Variants in HS6ST3 observed in about 807,000 individuals in gnomAD.
HS6ST3 encodes the protein heparan sulfate 6-O-sulfotransferase 3, also known as heparan-sulfate 6-O-sulfotransferase 3.
In HS6ST3, 12 loss-of-function variants were observed where a neutral mutation model predicts 36.7. That is an observed-to-expected ratio of 0.33 (90% CI 0.21 to 0.53). HS6ST3 has a LOEUF of 0.53. Ranked by LOEUF, HS6ST3 falls within the 20% of genes least tolerant of loss-of-function variation. The probability of loss-of-function intolerance (pLI) is 0.95; values close to 1 mark genes in which losing one functional copy is unlikely to be tolerated. For missense variants in HS6ST3, 584 were observed against 640.9 expected, an observed-to-expected ratio of 0.91 and a Z score of 0.96; for synonymous variants, 240 against 257.5, an observed-to-expected ratio of 0.93 and a Z score of 0.65.
chr13:96,247,482 C>A (rs1442136435), intron 1 of HS6ST3, among the ~76,000 whole-genome samples: 1 of 152,096 alleles, frequency 6.6e-6, no homozygotes, highest in Non-Finnish European at 1.5e-5. Flanking sequence ...TTTGCACATT[C>A]TTCTCTCTTG....
chr13:96,145,343 A>G (rs2054052372), intron 1 of HS6ST3, among the ~76,000 whole-genome samples: 1 of 150,306 alleles, frequency 6.7e-6, no homozygotes, highest in Admixed American at 6.6e-5. Context: ...AATGATTGCC[A>G]TTCTAACTGG....
At chr13:96,139,351 A>C (rs564884489) in intron 1 of HS6ST3, among the ~76,000 whole-genome samples, 2 of 152,156 alleles carry the variant, frequency 1.3e-5, no homozygotes, top group African/African-American at 2.4e-5. Flanking sequence ...AAATCAAAGG[A>C]AAGAATACAT....
intron 1 of HS6ST3, among the ~76,000 whole-genome samples, chr13:96,355,156 T>C (rs920142843): frequency 6.6e-6 from 1 of 152,122 alleles, no homozygotes; most frequent in African/African-American, 2.4e-5. Flanking sequence ...ATGATTGCTT[T>C]GAAGAATCTG....
intron 1 of HS6ST3, among the ~76,000 whole-genome samples, chr13:96,186,931 A>T (rs2054267402): frequency 1.3e-5 from 2 of 152,202 alleles, no homozygotes. Context: ...TGAAGAGGCC[A>T]CTGTATGATT....
chr13:96,216,616 G>C (rs1009352176), intron 1 of HS6ST3, among the ~76,000 whole-genome samples: 1 of 152,130 alleles, frequency 6.6e-6, no homozygotes, highest in African/African-American at 2.4e-5. Flanking sequence ...ATCATTCTTT[G>C]GCTAAGAATT....
chr13:96,741,353 T>C (rs1876434704), intron 1 of HS6ST3, among the ~76,000 whole-genome samples: 1 of 152,202 alleles, frequency 6.6e-6, no homozygotes, highest in African/African-American at 2.4e-5. Context: ...ATTAAATGTG[T>C]CAGACTAATA....
chr13:96,631,620 T>C (rs1002451966), intron 1 of HS6ST3, among the ~76,000 whole-genome samples: 3 of 152,230 alleles, frequency 2.0e-5, no homozygotes, highest in African/African-American at 7.2e-5. Flanking sequence ...CTCATAGTTA[T>C]CTACTGATAT....
intron 1 of HS6ST3, among the ~76,000 whole-genome samples, chr13:96,189,392 T>A (rs1193868228): frequency 2.0e-5 from 3 of 152,034 alleles, no homozygotes; most frequent in Non-Finnish European, 4.4e-5. Context: ...AACCATTAAT[T>A]TTCAGTTGGA....
At chr13:96,672,327 A>T (rs1406489221) in intron 1 of HS6ST3, among the ~76,000 whole-genome samples, 1 of 152,158 alleles carries the variant, frequency 6.6e-6, no homozygotes, top group Non-Finnish European at 1.5e-5. Context: ...ACAGCTTAAA[A>T]TTACTTTGTT....
chr13:96,622,585 T>G (rs1157219784), intron 1 of HS6ST3, among the ~76,000 whole-genome samples: 2 of 146,064 alleles, frequency 1.4e-5, no homozygotes, highest in Non-Finnish European at 3.0e-5. Context: ...TCAGGCAAGA[T>G]TTGATCAAAC....
At chr13:96,439,372 A>T (rs1320856186) in intron 1 of HS6ST3, among the ~76,000 whole-genome samples, 1 of 152,260 alleles carries the variant, frequency 6.6e-6, no homozygotes, top group Non-Finnish European at 1.5e-5. Flanking sequence ...AATTATAGCA[A>T]GATGGTTCCG....
intron 1 of HS6ST3, among the ~76,000 whole-genome samples, chr13:96,725,618 A>G (rs1356517189): frequency 6.6e-6 from 1 of 152,122 alleles, no homozygotes; most frequent in Non-Finnish European, 1.5e-5. Context: ...GCATAGGGAT[A>G]TCCAATTGTT....
chr13:96,276,019 T>C (rs1431960367), intron 1 of HS6ST3, among the ~76,000 whole-genome samples: 1 of 152,042 alleles, frequency 6.6e-6, no homozygotes. Context: ...TTGCCCTCTG[T>C]TCCCATCATG....
At chr13:96,287,037 A>G (rs1270047429) in intron 1 of HS6ST3, among the ~76,000 whole-genome samples, 2 of 152,164 alleles carry the variant, frequency 1.3e-5, no homozygotes, top group Non-Finnish European at 2.9e-5. Context: ...CATGGCAGCA[A>G]TGCCAGGGCA....
At chr13:96,117,578 C>CT (rs1385589136) in intron 1 of HS6ST3, among the ~76,000 whole-genome samples, 1 of 152,052 alleles carries the variant, frequency 6.6e-6, no homozygotes, top group East Asian at 1.9e-4. Flanking sequence ...AACATAATAT[C>CT]TATGAAAATA....
intron 1 of HS6ST3, among the ~76,000 whole-genome samples, chr13:96,278,110 C>T (rs1207948930): frequency 6.6e-6 from 1 of 152,146 alleles, no homozygotes. Flanking sequence ...TTTATCTATA[C>T]TTATTGTAAG....
At chr13:96,562,227 A>G (rs962126642) in intron 1 of HS6ST3, among the ~76,000 whole-genome samples, 5 of 152,224 alleles carry the variant, frequency 3.3e-5, no homozygotes, top group African/African-American at 1.2e-4. Flanking sequence ...CTTTGCCACA[A>G]TATGGATGCA....
intron 1 of HS6ST3, among the ~76,000 whole-genome samples, chr13:96,380,264 CTTT>C (rs33958530): frequency 0.34 from 46,357 of 136,190 alleles, 8,222 homozygotes; most frequent in Non-Finnish European, 0.43. Flanking sequence ...TAAGTTAGCA[CTTT>C]TTTTTTTTTT....
At chr13:96,290,273 C>T (rs1413759417) in intron 1 of HS6ST3, among the ~76,000 whole-genome samples, 7 of 152,086 alleles carry the variant, frequency 4.6e-5, no homozygotes. Flanking sequence ...GGGGGATGGC[C>T]TGACTCATCC....
Sources: gnomAD v4.1 joint callset for allele counts (sites outside exome capture counted in the v4.1 genomes callset) on GRCh38, gnomAD v4.1.1 for gene constraint, MANE v1.5 for transcripts, NCBI Gene and HGNC (gene_info 2026-07-23, HGNC 2026-07-21) for gene names.